The following SLCO3A1 variants were observed in gnomAD, a reference collection of about 807,000 sequenced individuals.
SLCO3A1 encodes solute carrier organic anion transporter family member 3A1.
SLCO3A1 carries 27 observed loss-of-function variants against 63.1 expected under a neutral mutation model. The ratio of observed to expected loss-of-function variants is 0.43; its 90% CI spans 0.32 to 0.59. SLCO3A1 has a LOEUF of 0.59. Ranked by LOEUF, SLCO3A1 falls within the 20% of genes least tolerant of loss-of-function variation. The pLI is 0.09. For missense variants in SLCO3A1, 773 were observed against 945.8 expected, an observed-to-expected ratio of 0.82 and a Z score of 2.40; for synonymous variants, 473 against 409.9, an observed-to-expected ratio of 1.15 and a Z score of -1.86.
chr15:92,086,441 G>A (rs1386664642), intron 2 of SLCO3A1, among the ~76,000 whole-genome samples: 2 of 151,930 alleles, frequency 1.3e-5, no homozygotes, highest in African/African-American at 2.4e-5. Context: ...GGTTTCTGTC[G>A]ATTTTTCTCC....
chr15:92,025,031 A>G (rs932923218), intron 2 of SLCO3A1, among the ~76,000 whole-genome samples: 5 of 152,124 alleles, frequency 3.3e-5, no homozygotes, highest in Non-Finnish European at 7.4e-5. Context: ...CCATCTGTCT[A>G]TCCATCCATG....
chr15:91,963,300 CCAGT>C (rs926675063), intron 2 of SLCO3A1, among the ~76,000 whole-genome samples: 7 of 151,092 alleles, frequency 4.6e-5, no homozygotes, highest in African/African-American at 7.3e-5. Context: ...TTTAACTTCA[CCAGT>C]CAGTCAGTGC....
At position 91,856,954 on chromosome 15, in the gene SLCO3A1, G is replaced by C. The variant is rs1876555487; in HGVS notation, c.180+2866G>C. On this transcript the variant is annotated intron_variant, in intron 1 of 9. Transcript: ENST00000318445. This position sits in a 1 kb window ranked among gnomAD's most constrained non-coding sequence, Gnocchi z 4.9. The stretch of plus-strand genomic sequence containing the variant: ...TTTCTCAGTGTCCTGAATGACACTA[G>C]TGTAGGCTTCCCAACTGCAGAACTG... Among the ~76,000 whole-genome samples the C allele has an allele frequency of 6.6e-6, 1 of 151,982 alleles. No homozygotes were observed. Among genetic ancestry groups the C allele is most frequent in the Non-Finnish European group, 1.5e-5 (1 of 67,998 alleles).
At chr15:92,001,538 A>G (rs2046254580) in intron 2 of SLCO3A1, among the ~76,000 whole-genome samples, 1 of 152,146 alleles carries the variant, frequency 6.6e-6, no homozygotes, top group South Asian at 2.1e-4. Flanking sequence ...GGAGTGCTTG[A>G]GCCAGAAACT....
At chr15:92,125,173 T>G (rs114964132) in intron 5 of SLCO3A1, among the ~76,000 whole-genome samples, 2,669 of 152,272 alleles carry the variant, frequency 0.018, 89 homozygotes, top group African/African-American at 0.061. Context: ...GTTAATGTAG[T>G]CAGTTGACCT....
chr15:92,031,003 G>C (rs578061595), intron 2 of SLCO3A1, among the ~76,000 whole-genome samples: 62 of 99,456 alleles, frequency 6.2e-4, no homozygotes, highest in South Asian at 1.4e-3. Context: ...TCTGGGCTTG[G>C]GCTGTACCCT....
chr15:91,935,052 C>G lies in SLCO3A1; in HGVS notation c.646+18594C>G, dbSNP rs181857753. Among the ~76,000 whole-genome samples, 70 of 152,304 alleles carry G rather than the reference C, an allele frequency of 4.6e-4. 1 individual carries two copies. The highest frequency in any genetic ancestry group is 1.7e-3 in the African/African-American group (70 of 41,560). Reference sequence around the variant, plus strand: ...CACTGCAACCTCCGCCTCCTGGGTTCAAGCAATTTTCCTGCCTCAGCCTCC... The same window carrying G: ...CACTGCAACCTCCGCCTCCTGGGTTGAAGCAATTTTCCTGCCTCAGCCTCC... On this transcript the variant is annotated intron_variant, in intron 2 of 9. Transcript: ENST00000318445.
chr15:91,920,522 A>C (rs1898808199), intron 2 of SLCO3A1, among the ~76,000 whole-genome samples: 1 of 152,248 alleles, frequency 6.6e-6, no homozygotes, highest in Non-Finnish European at 1.5e-5. Flanking sequence ...GAGTTCTGTA[A>C]AGAGGTTGCA....
At chr15:91,928,597 A>G (rs1899115947) in intron 2 of SLCO3A1, among the ~76,000 whole-genome samples, 1 of 152,160 alleles carries the variant, frequency 6.6e-6, no homozygotes, top group Non-Finnish European at 1.5e-5. Flanking sequence ...CAACTACCTA[A>G]ATAGGTATAC....
At chr15:91,975,247 C>T (rs78362975) in intron 2 of SLCO3A1, among the ~76,000 whole-genome samples, 2 of 149,302 alleles carry the variant, frequency 1.3e-5, no homozygotes, top group Admixed American at 6.7e-5. Flanking sequence ...AATTGGCTGA[C>T]AGGTGCGCAT....
rs1011198570 is a variant in SLCO3A1 at position 91,881,944 on chromosome 15, C to G, written c.180+27856C>G. ...AGGTCTGGGTCCCCTCTCTTCGGGT[C>G]TCTTTTACAATTGACCCTATTATCA... is the stretch of plus-strand genomic sequence containing the variant. On this transcript the variant is annotated intron_variant, in intron 1 of 9. Coordinates refer to ENST00000318445, the MANE Select transcript of SLCO3A1 (RefSeq NM_013272.4). Among the ~76,000 whole-genome samples the G allele has an allele frequency of 2.0e-5, 3 of 152,182 alleles. No individual in the cohort carries two copies. The East Asian group carries it at 5.8e-4, about 29-fold the overall frequency.
intron 2 of SLCO3A1, among the ~76,000 whole-genome samples, chr15:91,946,315 C>G (rs1264403844): frequency 6.6e-6 from 1 of 152,220 alleles, no homozygotes; most frequent in Non-Finnish European, 1.5e-5. Context: ...CCTACACTCT[C>G]ACCAGTGAGA....
intron 2 of SLCO3A1, among the ~76,000 whole-genome samples, chr15:91,931,471 A>T (rs1899226368): frequency 1.4e-5 from 2 of 147,132 alleles, no homozygotes; most frequent in Non-Finnish European, 3.0e-5. Flanking sequence ...GCTGGGTTGT[A>T]TCTTTTTTTT....
At position 92,126,310 on chromosome 15, in the gene SLCO3A1, A is replaced by T. The variant is rs370331765; in HGVS notation, c.1373+51A>T. ...TTCCTGCCTGTTCAGGGACCCTAGC[A>T]ATCTCCCTCTGCAGTAGGTTGAGGG... On this transcript the variant is annotated intron_variant, in intron 6 of 9. Coordinates refer to ENST00000318445, the MANE Select transcript of SLCO3A1 (RefSeq NM_013272.4). 5 of 1,506,614 alleles carry T rather than the reference A, an allele frequency of 3.3e-6. No homozygotes were observed. In the African/African-American group the frequency reaches 5.5e-5, roughly 17 times the overall value. The allele number at this position is 1,506,614 out of a possible 1,614,324, so 93.3% of individuals were successfully genotyped here.
At chr15:92,136,762 A>C (rs945673720) in intron 7 of SLCO3A1, among the ~76,000 whole-genome samples, 1 of 152,124 alleles carries the variant, frequency 6.6e-6, no homozygotes, top group Admixed American at 6.5e-5. Flanking sequence ...CAACCTGCCA[A>C]ATAGATGATT....
intron 1 of SLCO3A1, among the ~76,000 whole-genome samples, chr15:91,861,114 A>T (rs1310870740): frequency 1.3e-5 from 2 of 152,116 alleles, no homozygotes; most frequent in African/African-American, 4.8e-5. Flanking sequence ...GAGTTTTTAG[A>T]TTCACCTTCA....
chr15:92,088,833 A>T (rs1480155820), intron 2 of SLCO3A1, among the ~76,000 whole-genome samples: 1 of 152,014 alleles, frequency 6.6e-6, no homozygotes, highest in Non-Finnish European at 1.5e-5. Flanking sequence ...GATTGTGCCT[A>T]TGGGGACTCT....
intron 2 of SLCO3A1, among the ~76,000 whole-genome samples, chr15:92,018,329 G>C (rs1216139896): frequency 6.6e-6 from 1 of 152,194 alleles, no homozygotes; most frequent in Non-Finnish European, 1.5e-5. Context: ...AGTAGTCCTT[G>C]AGAGCCAGCA....
chr15:91,984,713 T>C (rs544270901), intron 2 of SLCO3A1, among the ~76,000 whole-genome samples: 72 of 152,324 alleles, frequency 4.7e-4, no homozygotes, highest in African/African-American at 1.7e-3. Context: ...CATAGAGATA[T>C]TTAGAGTCAC....
Sources: gnomAD v4.1 joint callset for allele counts (sites outside exome capture counted in the v4.1 genomes callset) on GRCh38, gnomAD v4.1.1 for gene constraint, Gnocchi (gnomAD v3.1) non-coding constraint, MANE v1.5 for transcripts, NCBI Gene and HGNC (gene_info 2026-07-23, HGNC 2026-07-21) for gene names.